NUDT13: variants seen among roughly 807,000 people sequenced by gnomAD.
The protein encoded by NUDT13 is nudix hydrolase 13.
A neutral mutation model predicts 41.7 loss-of-function variants in NUDT13; 40 were observed. The observed-to-expected ratio is 0.96, with a 90% CI of 0.75 to 1.25. NUDT13 has a LOEUF of 1.25. Among genes scored for constraint, NUDT13 ranks in the 50% most tolerant of loss-of-function variants. The probability of loss-of-function intolerance (pLI) is 0.00; values close to 1 mark genes in which losing one functional copy is unlikely to be tolerated. For synonymous variants in NUDT13, 145 were observed against 155.5 expected, an observed-to-expected ratio of 0.93 and a Z score of 0.50; for missense variants, 390 against 416.1, an observed-to-expected ratio of 0.94 and a Z score of 0.55.
At chr10:73,116,303 C>T (rs1184683834) in intron 2 of NUDT13, among the ~76,000 whole-genome samples, 1 of 151,994 alleles carries the variant, frequency 6.6e-6, no homozygotes, top group Non-Finnish European at 1.5e-5. Flanking sequence ...GCCACCATGC[C>T]CAGCCTAAGA....
chr10:73,114,246 T>G, intron 1 of NUDT13, 111 bp from the exon 2 acceptor site: 1 of 428,388 alleles, frequency 2.3e-6, no homozygotes, highest in Non-Finnish European at 4.1e-6. Context: ...TGTCTTTCCT[T>G]AATATTACAG....
chr10:73,130,461 TA>T (rs10539030), intron 8 of NUDT13: 2,397 of 146,888 alleles, frequency 0.016, 24 homozygotes, highest in African/African-American at 0.031. Context: ...AGACTCCGTC[TA>T]AAAAAAAAAA....
intron 1 of NUDT13, among the ~76,000 whole-genome samples, chr10:73,113,524 G>T (rs1281254837): frequency 1.3e-5 from 2 of 152,150 alleles, no homozygotes; most frequent in Non-Finnish European, 2.9e-5. Flanking sequence ...ACTGCCTTCT[G>T]TGAAAGCTGG....
At chr10:73,128,930 C>T (rs375093129) in intron 8 of NUDT13, among the ~76,000 whole-genome samples, 17 of 152,080 alleles carry the variant, frequency 1.1e-4, no homozygotes, top group African/African-American at 2.9e-4. Flanking sequence ...TGTAAGATAA[C>T]GGTCCGATTT....
chr10:73,128,693 C>T (rs1365845737), intron 8 of NUDT13, among the ~76,000 whole-genome samples: 1 of 152,168 alleles, frequency 6.6e-6, no homozygotes, highest in Non-Finnish European at 1.5e-5. Context: ...CAGGTTGTCT[C>T]TTCACTCTGT....
At position 73,126,720 on chromosome 10, in the gene NUDT13, G is replaced by A. The variant is rs1173796674; in HGVS notation, c.751G>A (p.Gly251Arg). The A allele has an allele frequency of 6.2e-7, 1 of 1,614,010 alleles. No individual in the cohort carries two copies. The highest frequency in any genetic ancestry group is 8.5e-7 in the Non-Finnish European group (1 of 1,180,012). ...TIRREVAEEV[G>R]LEVESLQYYA... ...CCGCCGAGAAGTTGCAGAAGAGGTG[G>A]GATTGGAGGTGGAAAGCCTGCAGTA... Residue 251 changes from glycine to arginine, a missense_variant, in exon 8 of 9, where the codon GGA becomes AGA. Gly to Arg is a moderately radical substitution (Grantham distance 125). Transcript: ENST00000357321.
intron 4 of NUDT13, among the ~76,000 whole-genome samples, chr10:73,123,004 G>A (rs7911267): frequency 0.048 from 7,252 of 151,046 alleles, 550 homozygotes; most frequent in African/African-American, 0.16. Context: ...AGGTTCAAGC[G>A]ATTCTCCTGC....
In NUDT13 at chr10:73,126,745, A is replaced by G. The variant is rs775992126; in HGVS notation, c.776A>G (p.Tyr259Cys). 6.2e-6 allele frequency: 10 copies of G among 1,614,052 alleles called. No homozygotes were observed. The South Asian group carries it at 1.1e-4, about 18-fold the overall frequency. The change falls in exon 8 of 9, where the codon TAC (tyrosine) becomes TGC (cysteine). Residue 259 changes from tyrosine to cysteine, a missense_variant. Tyr to Cys is a radical substitution (Grantham distance 194, BLOSUM62 -2). Transcript: ENST00000357321. ...EVGLEVESLQ[Y>C]YASQHWPFPS... ...GGATTGGAGGTGGAAAGCCTGCAGTACTATGCATCCCAGCATTGGCCCTTC... is the reference window on the plus strand; with the variant it reads ...GGATTGGAGGTGGAAAGCCTGCAGTGCTATGCATCCCAGCATTGGCCCTTC...
chr10:73,127,537 C>G (rs2133230988), intron 8 of NUDT13, among the ~76,000 whole-genome samples: 1 of 151,640 alleles, frequency 6.6e-6, no homozygotes, highest in South Asian at 2.1e-4. Flanking sequence ...GAGTCTTACT[C>G]TGTCGCCCAG....
At chr10:73,111,293 T>C (rs1033620172) in intron 1 of NUDT13, among the ~76,000 whole-genome samples, 3 of 152,132 alleles carry the variant, frequency 2.0e-5, no homozygotes, top group Non-Finnish European at 4.4e-5. Flanking sequence ...AAAGGTCTCT[T>C]AAATACTAGG....
chr10:73,120,191 C>A, intron 3 of NUDT13, 34 bp downstream of exon 3: 1 of 1,599,580 alleles, frequency 6.3e-7, no homozygotes, highest in Non-Finnish European at 8.5e-7. Context: ...CGTTGACCAG[C>A]CTGTGGCCAC....
chr10:73,117,034 G>C (rs903755709), intron 2 of NUDT13, among the ~76,000 whole-genome samples: 3 of 149,864 alleles, frequency 2.0e-5, no homozygotes, highest in Non-Finnish European at 3.0e-5. Context: ...TAAGGCACAC[G>C]CCACCACGCC....
intron 4 of NUDT13, 128 bp from the exon 5 acceptor site, chr10:73,124,086 G>T: frequency 4.7e-6 from 3 of 637,546 alleles, no homozygotes; most frequent in Non-Finnish European, 8.4e-6. Context: ...ACAGGCACAC[G>T]CCCCCCACAC....
At chr10:73,112,683 TATATA>T (rs897162933) in intron 1 of NUDT13, among the ~76,000 whole-genome samples, 16 of 152,020 alleles carry the variant, frequency 1.1e-4, no homozygotes, top group East Asian at 3.9e-4. Context: ...AATTTCCAAG[TATATA>T]ATATATTATG....
intron 8 of NUDT13, among the ~76,000 whole-genome samples, chr10:73,127,526 G>T (rs1036231164): frequency 6.6e-6 from 1 of 150,610 alleles, no homozygotes; most frequent in South Asian, 2.1e-4. Context: ...TTTTTGAGAC[G>T]GAGTCTTACT....
intron 8 of NUDT13, among the ~76,000 whole-genome samples, chr10:73,129,973 C>T (rs1842877485): frequency 7.0e-6 from 1 of 142,824 alleles, no homozygotes; most frequent in Non-Finnish European, 1.5e-5. Context: ...GAGCAAAACT[C>T]CATCTCAAAA....
chr10:73,127,491 C>T (rs939154757), intron 8 of NUDT13, among the ~76,000 whole-genome samples: 1 of 151,824 alleles, frequency 6.6e-6, no homozygotes. Context: ...ATGTCAATCA[C>T]GAGACAATTT....
At chr10:73,123,805 C>T (rs1337956645) in intron 4 of NUDT13, among the ~76,000 whole-genome samples, 2 of 151,940 alleles carry the variant, frequency 1.3e-5, no homozygotes, top group African/African-American at 4.8e-5. Flanking sequence ...ATTACAGGCG[C>T]CCACCACCAA....
Position 73,114,442 on chromosome 10 carries a change from A to T in NUDT13, c.77A>T (p.Lys26Met). Residue 26 changes from lysine to methionine, a missense_variant, in exon 2 of 9, where the codon AAG becomes ATG. By Grantham distance (95) the Lys-to-Met change is moderately conservative (BLOSUM62 -1). Transcript: ENST00000357321. Reference sequence around the variant, plus strand: ...AGGCTGCTGTCAACCTATGTTACTAAGACACGGTGAGTTTTAGCCAACCTG... The same window carrying T: ...AGGCTGCTGTCAACCTATGTTACTATGACACGGTGAGTTTTAGCCAACCTG... ...CYRLLSTYVT[K>M]TRYLFELKED... 6.4e-7 allele frequency: 1 copy of T among 1,570,874 alleles called. No homozygotes were observed. The highest frequency in any genetic ancestry group is 8.7e-7 in the Non-Finnish European group (1 of 1,152,866).
Sources: gnomAD v4.1 joint callset for allele counts (sites outside exome capture counted in the v4.1 genomes callset) on GRCh38, gnomAD v4.1.1 for gene constraint, MANE v1.5 for transcripts, NCBI Gene and HGNC (gene_info 2026-07-23, HGNC 2026-07-21) for gene names.